The following GPR158 variants were observed in gnomAD, a reference collection of about 807,000 sequenced individuals.
The protein encoded by GPR158 is metabotropic glycine receptor.
A neutral mutation model predicts 78.2 loss-of-function variants in GPR158; 30 were observed. That is an observed-to-expected ratio of 0.38 (90% CI 0.29 to 0.52). GPR158 has a LOEUF of 0.52. Among genes scored for constraint, GPR158 ranks in the 20% least tolerant of loss-of-function variants. The probability of loss-of-function intolerance (pLI) is 0.83; values close to 1 mark genes in which losing one functional copy is unlikely to be tolerated. For synonymous variants in GPR158, 581 were observed against 591.1 expected (o/e 0.98, Z 0.25); for missense variants, 1,463 against 1,523.5 (o/e 0.96, Z 0.66).
intron 2 of GPR158, among the ~76,000 whole-genome samples, chr10:25,241,369 TTTCTCTCTTCTC>T (rs1309249845): frequency 1.2e-5 from 1 of 85,344 alleles, no homozygotes; most frequent in Non-Finnish European, 2.3e-5. Flanking sequence ...TCTCTTTTCT[TTTCTCTCTTCTC>T]TTCTCTTCTC....
intron 2 of GPR158, among the ~76,000 whole-genome samples, chr10:25,360,809 G>T (rs1183220160): frequency 6.6e-6 from 1 of 152,020 alleles, no homozygotes; most frequent in East Asian, 1.9e-4. Context: ...AAAGTCATTG[G>T]TAGCTTGATA....
chr10:25,412,957 A>G (rs1834613311), intron 4 of GPR158, among the ~76,000 whole-genome samples: 1 of 152,212 alleles, frequency 6.6e-6, no homozygotes, highest in African/African-American at 2.4e-5. Context: ...GTCCCAGAAT[A>G]ATAACAATCC....
intron 2 of GPR158, among the ~76,000 whole-genome samples, chr10:25,276,946 T>A (rs903173778): frequency 2.0e-5 from 3 of 148,020 alleles, no homozygotes; most frequent in African/African-American, 7.8e-5. Context: ...AGCATCCAAC[T>A]ATTTTTTTTT....
intron 2 of GPR158, among the ~76,000 whole-genome samples, chr10:25,299,094 A>G (rs112472197): frequency 0.016 from 2,434 of 152,316 alleles, 69 homozygotes; most frequent in African/African-American, 0.055. Context: ...CACTTAGAAT[A>G]GTTTGAATAA....
At chr10:25,403,403 C>T (rs551985492) in intron 3 of GPR158, among the ~76,000 whole-genome samples, 1 of 152,020 alleles carries the variant, frequency 6.6e-6, no homozygotes, top group Admixed American at 6.6e-5. Context: ...TCCCAATGTC[C>T]TTCTTTATGT....
At chr10:25,514,220 A>AT (rs1485885451) in intron 5 of GPR158, among the ~76,000 whole-genome samples, 1 of 151,816 alleles carries the variant, frequency 6.6e-6, no homozygotes. Flanking sequence ...AGATTGTGAT[A>AT]TTTTCCCGTT....
intron 4 of GPR158, among the ~76,000 whole-genome samples, chr10:25,437,626 A>G (rs1270888067): frequency 6.6e-6 from 1 of 152,220 alleles, no homozygotes; most frequent in Non-Finnish European, 1.5e-5. Flanking sequence ...CACCATTTGC[A>G]GTAAATTCCA....
chr10:25,536,403 C>T (rs1238651581), intron 5 of GPR158, among the ~76,000 whole-genome samples: 1 of 152,084 alleles, frequency 6.6e-6, no homozygotes, highest in African/African-American at 2.4e-5. Flanking sequence ...TATTATTTGG[C>T]CAGTAATGAA....
At chr10:25,529,345 C>T (rs1282293973) in intron 5 of GPR158, among the ~76,000 whole-genome samples, 1 of 152,032 alleles carries the variant, frequency 6.6e-6, no homozygotes, top group East Asian at 1.9e-4. Flanking sequence ...CGAGATTGCA[C>T]CATTGCACTC....
chr10:25,212,514 T>C (rs934929057), intron 1 of GPR158, among the ~76,000 whole-genome samples: 6 of 152,182 alleles, frequency 3.9e-5, no homozygotes, highest in African/African-American at 1.2e-4. Context: ...ATCCAAACCA[T>C]ATCAGTATGT....
intron 5 of GPR158, among the ~76,000 whole-genome samples, chr10:25,484,142 T>A (rs1360124): frequency 2.6e-5 from 4 of 152,118 alleles, no homozygotes; most frequent in African/African-American, 9.6e-5. Flanking sequence ...ACCCCACTGT[T>A]ATCTGTTCCC....
At chr10:25,226,361 G>A (rs529622061) in intron 2 of GPR158, among the ~76,000 whole-genome samples, 3 of 152,312 alleles carry the variant, frequency 2.0e-5, no homozygotes, top group African/African-American at 7.2e-5. Context: ...AAGCCACACA[G>A]GCTTTTTAAA....
At chr10:25,498,515 G>A (rs1021680803) in intron 5 of GPR158, among the ~76,000 whole-genome samples, 2 of 152,136 alleles carry the variant, frequency 1.3e-5, no homozygotes, top group African/African-American at 4.8e-5. Context: ...GCATTCTCAA[G>A]GCTCTCCAGA....
intron 2 of GPR158, among the ~76,000 whole-genome samples, chr10:25,329,388 G>T (rs540187668): frequency 6.6e-6 from 1 of 151,542 alleles, no homozygotes; most frequent in Non-Finnish European, 1.5e-5. Flanking sequence ...TGCAGTGAGC[G>T]GAGATCGCGC....
chr10:25,428,365 T>C (rs1834851703), intron 4 of GPR158, among the ~76,000 whole-genome samples: 1 of 152,108 alleles, frequency 6.6e-6, no homozygotes, highest in Non-Finnish European at 1.5e-5. Flanking sequence ...TTTGACTCTT[T>C]GAATCTAGTA....
At chr10:25,482,464 T>C (rs1421164737) in intron 5 of GPR158, among the ~76,000 whole-genome samples, 1 of 152,136 alleles carries the variant, frequency 6.6e-6, no homozygotes, top group Non-Finnish European at 1.5e-5. Flanking sequence ...ATTACAGGCA[T>C]GAACCACTGT....
chr10:25,395,893 G>A lies in GPR158; in HGVS notation c.1009-18G>A, dbSNP rs772545248. 6.2e-6 allele frequency: 8 copies of A among 1,280,666 alleles called. No homozygotes were observed. Among genetic ancestry groups the A allele is most frequent in the Non-Finnish European group, 9.1e-6 (8 of 878,042 alleles). The allele number at this position is 1,280,666 out of a possible 1,614,324, so 79.3% of individuals were successfully genotyped here. ...ATAAGCCATGATCAACTATGTTGCT[G>A]TCTTTTCTTCTTCATAGTGTATGCC... is the stretch of plus-strand genomic sequence containing the variant. On this transcript the variant is annotated intron_variant, in intron 2 of 10. Transcript: ENST00000376351.
At chr10:25,194,008 A>G (rs1421660625) in intron 1 of GPR158, among the ~76,000 whole-genome samples, 1 of 152,218 alleles carries the variant, frequency 6.6e-6, no homozygotes, top group East Asian at 1.9e-4. Flanking sequence ...GTAGCAGGAT[A>G]AGGGAAGAGG....
chr10:25,286,769 G>A (rs1276649348), intron 2 of GPR158, among the ~76,000 whole-genome samples: 3 of 152,052 alleles, frequency 2.0e-5, no homozygotes, highest in South Asian at 2.1e-4. Flanking sequence ...ATATGGACAG[G>A]AATTGGTCTG....
Sources: allele counts gnomAD v4.1 joint callset (sites outside exome capture counted in the v4.1 genomes callset), GRCh38; gene constraint gnomAD v4.1.1; transcripts MANE v1.5; gene names NCBI Gene and HGNC (gene_info 2026-07-23, HGNC 2026-07-21).